KIAA1671: variants seen among roughly 807,000 people sequenced by gnomAD.
KIAA1671 encodes uncharacterized protein KIAA1671.
A neutral mutation model predicts 131.2 loss-of-function variants in KIAA1671; 52 were observed. That is an observed-to-expected ratio of 0.40 (90% CI 0.32 to 0.50). The LOEUF is 0.50. KIAA1671 is among the 20% of genes least tolerant of loss of function. The probability of loss-of-function intolerance (pLI) is 0.73; values close to 1 mark genes in which losing one functional copy is unlikely to be tolerated. For synonymous variants in KIAA1671, 1,003 were observed against 961.6 expected, an observed-to-expected ratio of 1.04 and a Z score of -0.80; for missense variants, 2,360 against 2,364.2, an observed-to-expected ratio of 1.00 and a Z score of 0.04.
intron 6 of KIAA1671, among the ~76,000 whole-genome samples, chr22:25,133,682 A>G (rs557647014): frequency 6.6e-6 from 1 of 152,190 alleles, no homozygotes; most frequent in South Asian, 2.1e-4. Flanking sequence ...AGCTGGGACT[A>G]CAGGCACCCA....
chr22:25,130,256 TA>T (rs1364225261), intron 6 of KIAA1671, among the ~76,000 whole-genome samples: 2 of 152,208 alleles, frequency 1.3e-5, no homozygotes, highest in Non-Finnish European at 2.9e-5. Context: ...CAAATGCACA[TA>T]CCCGTGTAAG....
At chr22:25,124,800 A>G (rs1159437813) in intron 6 of KIAA1671, among the ~76,000 whole-genome samples, 3 of 152,250 alleles carry the variant, frequency 2.0e-5, no homozygotes, top group Non-Finnish European at 4.4e-5. Context: ...TCTGTTACCC[A>G]GGCTGGAGTG....
At chr22:25,123,439 G>T (rs1255775549) in intron 6 of KIAA1671, among the ~76,000 whole-genome samples, 1 of 152,016 alleles carries the variant, frequency 6.6e-6, no homozygotes. Flanking sequence ...TGATCCACCC[G>T]CCTTGGCCTC....
chr22:25,135,467 T>C (rs1177169513), intron 6 of KIAA1671, among the ~76,000 whole-genome samples: 1 of 152,250 alleles, frequency 6.6e-6, no homozygotes, highest in Non-Finnish European at 1.5e-5. Context: ...ATTACAGGCA[T>C]GAGCCACTGT....
At chr22:25,019,484 G>A (rs1387938169) in intron 1 of KIAA1671, among the ~76,000 whole-genome samples, 1 of 152,022 alleles carries the variant, frequency 6.6e-6, no homozygotes, top group African/African-American at 2.4e-5. Flanking sequence ...TGGAAAGACA[G>A]CTCAGAGGAA....
At position 25,165,017 on chromosome 22, in the gene KIAA1671, G is replaced by GTGTGTGTGTC. The variant is rs1254688272; in HGVS notation, c.4531-5798_4531-5797insGTGTCTGTGT. On this transcript the variant is annotated intron_variant, in intron 6 of 12. Coordinates refer to ENST00000358431, the MANE Select transcript of KIAA1671 (RefSeq NM_001145206.2). ...TGTGTGTGTGTGTGTGTGTGTGTGT[G>GTGTGTGTGTC]TGTGTCTGTGGTTGATTTTGAGGCC... 1.3e-4 allele frequency among the ~76,000 whole-genome samples: 19 copies of GTGTGTGTGTC among 147,058 alleles called. No individual in the cohort carries two copies. In the East Asian group the frequency reaches 3.2e-3, roughly 25 times the overall value.
At chr22:25,007,496 GAA>G (rs141806128) in intron 1 of KIAA1671, among the ~76,000 whole-genome samples, 2 of 140,408 alleles carry the variant, frequency 1.4e-5, no homozygotes, top group Admixed American at 7.1e-5. Flanking sequence ...AAAAGCAAGG[GAA>G]AAAAAAAAAA....
rs77001321 is a variant in KIAA1671 at position 24,955,138 on chromosome 22, G to C, written c.-208+2366G>C. Among the ~76,000 whole-genome samples the C allele has an allele frequency of 3.9e-3, 592 of 152,340 alleles. 2 individuals carry two copies. Among genetic ancestry groups the C allele is most frequent in the African/African-American group, 0.014 (576 of 41,590 alleles). On this transcript the variant is annotated intron_variant, in intron 1 of 12. Coordinates refer to ENST00000358431, the MANE Select transcript of KIAA1671 (RefSeq NM_001145206.2). Reference sequence around the variant, plus strand: ...AGGAGAATGAAGGAGCCAGTTGTCTGGCTCTGAGCATTTCTCCTCACCAGG... The same window carrying C: ...AGGAGAATGAAGGAGCCAGTTGTCTCGCTCTGAGCATTTCTCCTCACCAGG...
chr22:24,978,872 C>T (rs1255782189), intron 1 of KIAA1671, among the ~76,000 whole-genome samples: 3 of 151,782 alleles, frequency 2.0e-5, no homozygotes, highest in African/African-American at 7.3e-5. Flanking sequence ...TTAGTAGAGA[C>T]GGGGTTTTCA....
intron 1 of KIAA1671, among the ~76,000 whole-genome samples, chr22:24,957,889 G>A (rs1232747977): frequency 6.6e-6 from 1 of 150,770 alleles, no homozygotes; most frequent in Non-Finnish European, 1.5e-5. Context: ...TGTTGGTCAG[G>A]CTGGTCTCGA....
At chr22:25,065,547 C>T (rs1178896788) in intron 6 of KIAA1671, among the ~76,000 whole-genome samples, 1 of 152,144 alleles carries the variant, frequency 6.6e-6, no homozygotes, top group Non-Finnish European at 1.5e-5. Context: ...CACCACCTTC[C>T]TCTTTCCCCC....
At chr22:25,076,183 T>G (rs1929099172) in intron 6 of KIAA1671, among the ~76,000 whole-genome samples, 1 of 152,128 alleles carries the variant, frequency 6.6e-6, no homozygotes, top group South Asian at 2.1e-4. Flanking sequence ...TATTCCTACC[T>G]GTTGTCAGCC....
rs1743804459 is a variant in KIAA1671, at chr22:25,039,722, A to G, written c.2592A>G (p.Pro864=). The G allele has an allele frequency of 2.0e-6, 3 of 1,505,228 alleles. No homozygotes were observed. Among genetic ancestry groups the G allele is most frequent in the African/African-American group, 1.4e-5 (1 of 72,206 alleles). The allele number at this position is 1,505,228 out of a possible 1,614,324, so 93.2% of individuals were successfully genotyped here. A position where few individuals can be genotyped will look rare whatever the true frequency, so the allele number is the denominator to read the frequency against. The change falls in exon 5 of 13, where the codon CCA becomes CCG. Residue 864 remains proline, a synonymous_variant. Coordinates refer to ENST00000358431, the MANE Select transcript of KIAA1671 (RefSeq NM_001145206.2). The part of the protein sequence containing the change: ...AAIWESQHEG[P]EGARSKPGVG... Reference sequence around the variant, plus strand: ...TCTGGGAAAGCCAGCATGAGGGGCCAGAGGGGGCCAGAAGCAAGCCAGGAG... The same window carrying G: ...TCTGGGAAAGCCAGCATGAGGGGCCGGAGGGGGCCAGAAGCAAGCCAGGAG...
rs1926076290 is a variant in KIAA1671 at position 25,028,408 on chromosome 22, C to A, written c.409C>A (p.Leu137Met). 1 of 1,551,088 alleles carries A rather than the reference C, an allele frequency of 6.4e-7. No individual in the cohort carries two copies. The highest frequency in any genetic ancestry group is 8.7e-7 in the Non-Finnish European group (1 of 1,146,848). ...GCCCCTCTTCAACAAGGCTGTGTTCCTGCGGCCCAGCTCCAGCACCATGAT... is the reference window on the plus strand; with the variant it reads ...GCCCCTCTTCAACAAGGCTGTGTTCATGCGGCCCAGCTCCAGCACCATGAT... ...SSPLFNKAVFLRPSSSTMILF... is the reference protein window; with the variant it reads ...SSPLFNKAVFMRPSSSTMILF... Residue 137 changes from leucine (L) to methionine (M), a missense_variant, in exon 3 of 13, where the codon CTG (leucine) becomes ATG (methionine). Coordinates refer to ENST00000358431, the MANE Select transcript of KIAA1671 (RefSeq NM_001145206.2).
At chr22:25,016,696 G>A (rs1000158384) in intron 1 of KIAA1671, among the ~76,000 whole-genome samples, 22 of 152,168 alleles carry the variant, frequency 1.4e-4, no homozygotes, top group African/African-American at 5.1e-4. Context: ...GAGGGGAATG[G>A]GGAGTGACTG....
At chr22:25,169,439 A>AT (rs1491550514) in intron 6 of KIAA1671, among the ~76,000 whole-genome samples, 8 of 144,292 alleles carry the variant, frequency 5.5e-5, no homozygotes, top group African/African-American at 1.8e-4. Flanking sequence ...AAAAAAAAAA[A>AT]GGTGACTGAG....
At chr22:25,067,616 T>C (rs1928549481) in intron 6 of KIAA1671, among the ~76,000 whole-genome samples, 1 of 152,158 alleles carries the variant, frequency 6.6e-6, no homozygotes, top group African/African-American at 2.4e-5. Context: ...CCTTCCTCCC[T>C]CTGCCCTGCG....
chr22:24,984,314 G>A (rs2123834429), intron 1 of KIAA1671, among the ~76,000 whole-genome samples: 1 of 152,274 alleles, frequency 6.6e-6, no homozygotes, highest in South Asian at 2.1e-4. Context: ...GGCCCAGAGA[G>A]GTTAAGCAGT....
At chr22:25,121,129 A>C (rs1248825971) in intron 6 of KIAA1671, among the ~76,000 whole-genome samples, 1 of 152,234 alleles carries the variant, frequency 6.6e-6, no homozygotes, top group African/African-American at 2.4e-5. Context: ...ATTGATACGC[A>C]TCACAGGGAG....
Sources: allele counts gnomAD v4.1 joint callset (sites outside exome capture counted in the v4.1 genomes callset), GRCh38; gene constraint gnomAD v4.1.1; transcripts MANE v1.5; gene names NCBI Gene and HGNC (gene_info 2026-07-23, HGNC 2026-07-21).